FOXD4L4: variants seen among roughly 807,000 people sequenced by gnomAD.
The protein encoded by FOXD4L4 is forkhead box protein D4-like 4.
Under a neutral mutation model 24.1 loss-of-function variants are expected in FOXD4L4, and 5 were observed. The observed-to-expected ratio is 0.21, with a 90% CI of 0.11 to 0.44. The LOEUF (loss-of-function observed/expected upper bound fraction) is 0.44. Ranked by LOEUF, FOXD4L4 falls within the 20% of genes least tolerant of loss-of-function variation. FOXD4L4 has a pLI of 0.99. For synonymous variants in FOXD4L4, 71 were observed against 276.2 expected (o/e 0.26, Z 7.37); for missense variants, 128 against 617.5 (o/e 0.21, Z 8.40).
chr9:65,737,368 G>A (rs1404186714), exon 1 of FOXD4L4: 17 of 1,611,480 alleles, frequency 1.1e-5, no homozygotes, highest in South Asian at 5.5e-5. Context: ...AGAGCACATC[G>A]AGGGCGGCGG....
rs1286090595 is a variant in FOXD4L4 at position 65,738,025 on chromosome 9, G to T, written c.880G>T (p.Ala294Ser). 2.5e-6 allele frequency: 4 copies of T among 1,606,358 alleles called. No individual in the cohort carries two copies. The African/African-American group carries it at 5.5e-5, about 22-fold the overall frequency. The change falls in exon 1 of 1, where the codon GCA (alanine) becomes TCA (serine). Residue 294 changes from alanine (A) to serine (S), a missense_variant. Transcript: ENST00000377413. ...AGAAGGCGCGGACCTGGCGACCCCG[G>T]CACCCTTCCCGTGCTGCAGCCCTCA...
chr9:65,738,281 T>C, exon 1 of FOXD4L4: 1 of 1,565,646 alleles, frequency 6.4e-7, no homozygotes, highest in Non-Finnish European at 8.6e-7. Context: ...CCGCCGCTGC[T>C]GCTCGGACAA....
chr9:65,738,003 A>C (rs1461291027), exon 1 of FOXD4L4: 16 of 1,604,410 alleles, frequency 1.0e-5, no homozygotes, highest in Non-Finnish European at 1.4e-5. Context: ...AGAAAGCAGA[A>C]GGCGCGGACC....
At chr9:65,737,438 C>G in exon 1 of FOXD4L4, 1 of 1,610,080 alleles carries the variant, frequency 6.2e-7, no homozygotes, top group Non-Finnish European at 8.5e-7. Flanking sequence ...AGGTCTGCGG[C>G]GGCCTCTGAA....
Position 65,738,136 on chromosome 9 carries a change from T to G in FOXD4L4, c.991T>G (p.Cys331Gly), listed in dbSNP as rs1235324460. ...TTCTCTTTCAGCATTGAGAGTATTA[T>G]GCAAGGGGTCAGGGGAGCGGGTACA... The change falls in exon 1 of 1, where the codon TGC becomes GGC. Residue 331 changes from cysteine to glycine, a missense_variant. By Grantham distance (159) the Cys-to-Gly change is radical. Coordinates refer to ENST00000377413, the Ensembl canonical transcript of FOXD4L4. 13 of 1,603,116 alleles carry G rather than the reference T, an allele frequency of 8.1e-6. 2 individuals are homozygous for G. The highest frequency in any genetic ancestry group is 1.0e-5 in the Non-Finnish European group (12 of 1,178,250).
chr9:65,737,331 C>A (rs1466296938), exon 1 of FOXD4L4: 1 of 1,612,282 alleles, frequency 6.2e-7, no homozygotes, highest in Non-Finnish European at 8.5e-7. Context: ...TGCAGGTGGC[C>A]CGGTGGGGCG....
exon 1 of FOXD4L4, chr9:65,738,018 G>A: frequency 6.2e-7 from 1 of 1,605,628 alleles, no homozygotes; most frequent in Non-Finnish European, 8.5e-7. Flanking sequence ...CGGACCTGGC[G>A]ACCCCGGCAC....
exon 1 of FOXD4L4, chr9:65,737,361 G>A: frequency 6.2e-7 from 1 of 1,612,152 alleles, no homozygotes; most frequent in South Asian, 1.1e-5. Context: ...TTCCCCGAGA[G>A]CACATCGAGG....
exon 1 of FOXD4L4, chr9:65,737,994 G>A: frequency 9.4e-6 from 15 of 1,604,012 alleles, no homozygotes; most frequent in Non-Finnish European, 1.3e-5. Context: ...GGGCACCGAA[G>A]AAAGCAGAAG....
At chr9:65,737,383 C>A in exon 1 of FOXD4L4, 1 of 1,608,402 alleles carries the variant, frequency 6.2e-7, no homozygotes, top group East Asian at 2.2e-5. Context: ...CGGCGGCGGC[C>A]CGAGTGACCC....
exon 1 of FOXD4L4, chr9:65,738,128 G>A (rs1832997935): frequency 6.2e-7 from 1 of 1,603,552 alleles, no homozygotes; most frequent in Non-Finnish European, 8.5e-7. Flanking sequence ...TCAGCATTGA[G>A]AGTATTATGC....
chr9:65,737,900 A>T, exon 1 of FOXD4L4: 1 of 1,602,442 alleles, frequency 6.2e-7, no homozygotes, highest in Non-Finnish European at 8.5e-7. Context: ...GCCTACCCCA[A>T]CACCGCCCCC....
rs1832981637 is a variant in FOXD4L4, at chr9:65,737,415, C to T, written c.270C>T (p.Phe90=). The change falls in exon 1 of 1, where the codon TTC becomes TTT. Residue 90 remains phenylalanine (F), a synonymous_variant. Coordinates refer to ENST00000377413, the Ensembl canonical transcript of FOXD4L4. ...ACCCTTCAGAGTTTGGCACCAAGTT[C>T]AGGGCACCGCCAAGGTCTGCGGCGG... The T allele has an allele frequency of 6.2e-6, 10 of 1,609,196 alleles. No individual in the cohort carries two copies. The South Asian group carries it at 8.8e-5, about 14-fold the overall frequency.
rs1362534337 is a variant in FOXD4L4 at position 65,737,398 on chromosome 9, G to A, written c.253G>A (p.Glu85Lys). ...CGGCGGCGGCCCGAGTGACCCTTCAGAGTTTGGCACCAAGTTCAGGGCACC... is the reference window on the plus strand; with the variant it reads ...CGGCGGCGGCCCGAGTGACCCTTCAAAGTTTGGCACCAAGTTCAGGGCACC... Residue 85 changes from glutamate (E) to lysine (K), a missense_variant, in exon 1 of 1, where the codon GAG becomes AAG. Transcript: ENST00000377413. The A allele has an allele frequency of 7.5e-6, 12 of 1,607,982 alleles. No individual in the cohort carries two copies. The South Asian group carries it at 1.1e-4, about 15-fold the overall frequency.
At chr9:65,737,335 TG>T in the FOXD4L4 span, 2 of 1,612,336 alleles carry the variant, frequency 1.2e-6, no homozygotes, top group South Asian at 2.2e-5. Flanking sequence ...GGTGGCCCGG[TG>T]GGGCGGGGTT....
chr9:65,737,974 G>T (rs77797695), exon 1 of FOXD4L4: 311,972 of 1,598,830 alleles, frequency 0.2, 37,766 homozygotes, highest in Admixed American at 0.21. Flanking sequence ...CTCGGCCCGC[G>T]TCTATGCCGG....
exon 1 of FOXD4L4, chr9:65,737,710 C>G: frequency 6.2e-7 from 1 of 1,609,346 alleles, no homozygotes. Flanking sequence ...CCCCGCCTCC[C>G]AGGACATGTT....
At chr9:65,737,944 C>A in exon 1 of FOXD4L4, 1 of 1,602,840 alleles carries the variant, frequency 6.2e-7, no homozygotes, top group Non-Finnish European at 8.5e-7. Flanking sequence ...GCACCCGCAT[C>A]CTCTTCGCTA....
chr9:65,737,715 C>A, exon 1 of FOXD4L4: 1 of 1,609,292 alleles, frequency 6.2e-7, no homozygotes, highest in South Asian at 1.1e-5. Flanking sequence ...CCTCCCAGGA[C>A]ATGTTCGACA....
Sources: gnomAD v4.1 joint callset for allele counts on GRCh38, gnomAD v4.1.1 for gene constraint, MANE v1.5 for transcripts, NCBI Gene and HGNC (gene_info 2026-07-23, HGNC 2026-07-21) for gene names.